Variants in TPP2 observed in about 807,000 individuals in gnomAD.
TPP2 encodes tripeptidyl peptidase 2.
TPP2 carries 34 observed loss-of-function variants against 155.9 expected under a neutral mutation model. The ratio of observed to expected loss-of-function variants is 0.22; its 90% CI spans 0.17 to 0.29. The LOEUF is 0.29. Ranked by LOEUF, TPP2 falls within the 10% of genes least tolerant of loss-of-function variation. The pLI, the probability that TPP2 is intolerant of heterozygous loss-of-function variation, is 1.00. For missense variants in TPP2, 1,028 were observed against 1,522.3 expected (o/e 0.68, Z 5.40); for synonymous variants, 510 against 529.4 (o/e 0.96, Z 0.50).
chr13:102,602,902 T>A (rs777308724), intron 1 of TPP2, among the ~76,000 whole-genome samples: 1 of 151,834 alleles, frequency 6.6e-6, no homozygotes, highest in Admixed American at 6.5e-5. Flanking sequence ...AGTTTTTTTG[T>A]TTTTTTGTTT....
rs200582637 is a variant in TPP2, at chr13:102,644,917, G to A, written c.2301G>A (p.Ser767=). 7.4e-6 allele frequency: 12 copies of A among 1,613,642 alleles called. No individual in the cohort carries two copies. In the East Asian group the frequency reaches 1.3e-4, roughly 18 times the overall value. The change falls in exon 19 of 30, where the codon TCG becomes TCA. Residue 767 remains serine (S), a synonymous_variant. Coordinates refer to ENST00000376052, the MANE Select transcript of TPP2 (RefSeq NM_001330588.2). ...TGAGAAATCCTTTGTAGCATGCATC[G>A]GAAGGAATCAACCGCTTTGATGTTC... ...CTAPQLNIHA[S]EGINRFDVQS... is the part of the protein sequence containing the mutation.
chr13:102,614,860 T>A (rs1009204833), intron 3 of TPP2, among the ~76,000 whole-genome samples: 7 of 152,074 alleles, frequency 4.6e-5, no homozygotes, highest in African/African-American at 1.4e-4. Flanking sequence ...ATTTGAAATA[T>A]GTTTAGTGTG....
chr13:102,644,789 T>C, intron 18 of TPP2, 116 bp downstream of exon 18: 3 of 1,402,956 alleles, frequency 2.1e-6, no homozygotes, highest in Non-Finnish European at 3.0e-6. Flanking sequence ...GTTCTGAAGA[T>C]AGCAGTAGGC....
At chr13:102,630,794 C>T (rs1245910466) in intron 10 of TPP2, among the ~76,000 whole-genome samples, 1 of 152,184 alleles carries the variant, frequency 6.6e-6, no homozygotes, top group Non-Finnish European at 1.5e-5. Flanking sequence ...GTTATATCAT[C>T]AGCGGGTACA....
chr13:102,641,949 A>T (rs749508318), intron 16 of TPP2, among the ~76,000 whole-genome samples: 1 of 152,190 alleles, frequency 6.6e-6, no homozygotes, highest in African/African-American at 2.4e-5. Context: ...GAGAGCATCT[A>T]GTCCAAGATA....
At chr13:102,618,923 G>A in intron 5 of TPP2, 77 bp downstream of exon 5, 1 of 1,482,890 alleles carries the variant, frequency 6.7e-7, no homozygotes, top group Non-Finnish European at 8.9e-7. Flanking sequence ...AATGCTCAGA[G>A]CTGCACAGAA....
chr13:102,648,739 C>T (rs1883308403), intron 21 of TPP2, among the ~76,000 whole-genome samples, 168 bp from the exon 22 acceptor site: 1 of 152,102 alleles, frequency 6.6e-6, no homozygotes, highest in Non-Finnish European at 1.5e-5. Context: ...CACCAGCGTA[C>T]TAGGGACTTT....
chr13:102,646,936 G>C (rs1280637789), intron 20 of TPP2, among the ~76,000 whole-genome samples: 1 of 152,164 alleles, frequency 6.6e-6, no homozygotes, highest in East Asian at 1.9e-4. Flanking sequence ...TCACATTTCA[G>C]TTTTATAAAG....
rs1882308352 is a variant in TPP2, at chr13:102,635,483, A to G, written c.1394-104A>G. 4 of 727,716 alleles carry G rather than the reference A, an allele frequency of 5.5e-6. No individual in the cohort carries two copies. In the East Asian group the frequency reaches 8.1e-5, roughly 15 times the overall value. 45.1% of individuals were successfully genotyped at this position (727,716 alleles called of 1,614,324 possible). ...ATTTTAAAATGAGTGTTAGAACACA[A>G]GACATTAACACCAGAGGGTCTACAG... On this transcript the variant is annotated intron_variant, in intron 11 of 29. Transcript: ENST00000376052.
intron 1 of TPP2, among the ~76,000 whole-genome samples, chr13:102,600,126 A>T (rs1329985428): frequency 6.6e-6 from 1 of 151,858 alleles, no homozygotes; most frequent in Non-Finnish European, 1.5e-5. Context: ...TGGCCTCCTT[A>T]TGTAGCCTCA....
intron 3 of TPP2, among the ~76,000 whole-genome samples, chr13:102,615,073 G>T (rs1458360205): frequency 6.6e-6 from 1 of 152,080 alleles, no homozygotes; most frequent in Non-Finnish European, 1.5e-5. Flanking sequence ...CCTTGCCTCT[G>T]TCGTGTTATT....
chr13:102,657,492 C>G (rs564585587), intron 25 of TPP2, among the ~76,000 whole-genome samples: 2 of 151,702 alleles, frequency 1.3e-5, no homozygotes, highest in Admixed American at 6.6e-5. Context: ...CACTTTTGCC[C>G]ACAATTCATA....
At chr13:102,602,724 T>G (rs1459911103) in intron 1 of TPP2, among the ~76,000 whole-genome samples, 1 of 152,128 alleles carries the variant, frequency 6.6e-6, no homozygotes, top group Non-Finnish European at 1.5e-5. Flanking sequence ...GAAATACTTG[T>G]GTTGGGGTGA....
intron 10 of TPP2, among the ~76,000 whole-genome samples, 161 bp from the exon 11 acceptor site, chr13:102,633,788 TC>T (rs1308915258): frequency 6.6e-6 from 1 of 152,212 alleles, no homozygotes; most frequent in African/African-American, 2.4e-5. Context: ...CTGGGTGTTT[TC>T]CCCCATTGAT....
chr13:102,679,294 C>G lies in TPP2; in HGVS notation c.*978C>G, dbSNP rs1480014803. On this transcript the variant is annotated 3_prime_UTR_variant, in exon 30 of 30. Coordinates refer to ENST00000376052, the MANE Select transcript of TPP2 (RefSeq NM_001330588.2). The stretch of plus-strand genomic sequence containing the variant: ...TTTTACAGTGTTTCTTATAGGCTTA[C>G]AATTATTTGAATGTATTTCCAGTTC... 1 of 152,172 alleles carries G rather than the reference C, an allele frequency of 6.6e-6. No homozygotes were observed. The highest frequency in any genetic ancestry group is 6.5e-5 in the Admixed American group (1 of 15,278). The allele number at this position is 152,172 out of a possible 1,614,324, so 9.4% of individuals were successfully genotyped here.
chr13:102,597,128 C>T lies in TPP2; in HGVS notation c.90C>T (p.Tyr30=). Residue 30 remains tyrosine (Y), a synonymous_variant, in exon 1 of 30, where the codon TAC becomes TAT. Transcript: ENST00000376052. ...GAGCCGCCTCCTTCCTCTGCCGCTA[C>T]CCGGAGTATGATGGGCGGGGGGTGC... ...ETGAASFLCR[Y]PEYDGRGVLI... The T allele has an allele frequency of 6.2e-7, 1 of 1,610,904 alleles. No homozygotes were observed. Among genetic ancestry groups the T allele is most frequent in the Non-Finnish European group, 8.5e-7 (1 of 1,179,088 alleles).
intron 23 of TPP2, 109 bp downstream of exon 23, chr13:102,649,595 T>TTTTA: frequency 1.1e-6 from 1 of 938,618 alleles, no homozygotes; most frequent in Non-Finnish European, 1.5e-6. Context: ...AGATATACTC[T>TTTTA]TGGGGAAAAA....
At chr13:102,635,231 T>C (rs916873673) in intron 11 of TPP2, among the ~76,000 whole-genome samples, 1 of 152,164 alleles carries the variant, frequency 6.6e-6, no homozygotes, top group Non-Finnish European at 1.5e-5. Flanking sequence ...TACAGTTGGG[T>C]TGAACACCAC....
chr13:102,662,799 A>C (rs551914059), intron 25 of TPP2, among the ~76,000 whole-genome samples: 20 of 152,234 alleles, frequency 1.3e-4, no homozygotes, highest in African/African-American at 4.8e-4. Context: ...TTTGTATGTT[A>C]ATTTGTTTTT....
Sources: allele counts gnomAD v4.1 joint callset (sites outside exome capture counted in the v4.1 genomes callset), GRCh38; gene constraint gnomAD v4.1.1; transcripts MANE v1.5; gene names NCBI Gene and HGNC (gene_info 2026-07-23, HGNC 2026-07-21).